Variants in HDX observed in about 807,000 individuals in gnomAD.
The protein encoded by HDX is chromosome X open reading frame 43.
HDX carries 19 observed loss-of-function variants against 45.2 expected under a neutral mutation model. The ratio of observed to expected loss-of-function variants is 0.42; its 90% CI spans 0.29 to 0.62. The LOEUF (loss-of-function observed/expected upper bound fraction) is 0.62, where lower values mean the gene tolerates loss of function less well. Among genes scored for constraint, HDX ranks in the 20% least tolerant of loss-of-function variants. The pLI is 0.20. For missense variants in HDX, 532 were observed against 493.9 expected, an observed-to-expected ratio of 1.08 and a Z score of -0.73; for synonymous variants, 188 against 172.8, an observed-to-expected ratio of 1.09 and a Z score of -0.69.
At chrX:84,377,725 A>G (rs1602344685) in intron 5 of HDX, among the ~76,000 whole-genome samples, 1 of 111,185 alleles carries the variant, frequency 9.0e-6, no homozygotes, top group East Asian at 2.8e-4. Context: ...AAAAAAAAAT[A>G]AGAAACAATG....
At chrX:84,338,632 A>G (rs2037018492) in intron 7 of HDX, among the ~76,000 whole-genome samples, 1 of 109,560 alleles carries the variant, frequency 9.1e-6, no homozygotes, top group Non-Finnish European at 1.9e-5. Context: ...GATCCTGGTA[A>G]CCTCTTTTTT....
intron 6 of HDX, among the ~76,000 whole-genome samples, chrX:84,350,574 A>G (rs1258507881): frequency 1.8e-5 from 2 of 111,867 alleles, no homozygotes; most frequent in Admixed American, 1.9e-4. Context: ...TTATTATTAT[A>G]CAGTGTCCCA....
chrX:84,476,544 C>CA (rs376973856), intron 2 of HDX, among the ~76,000 whole-genome samples: 6,605 of 37,924 alleles, frequency 0.17, 766 homozygotes, highest in African/African-American at 0.35. Flanking sequence ...AACTCTGTCT[C>CA]AAAAAAAAAA....
At chrX:84,374,905 A>C (rs1379003505) in intron 5 of HDX, among the ~76,000 whole-genome samples, 8 of 100,899 alleles carry the variant, frequency 7.9e-5, no homozygotes, top group African/African-American at 2.5e-4. Context: ...GGATCTAATT[A>C]AACTAAAGAG....
chrX:84,336,831 C>G lies in HDX; in HGVS notation c.1710G>C (p.Glu570Asp). ...VPNDARAHKE[E>D]DHHAVTTDNV... ...TATCTGTGGTTACTGCATGGTGGTC[C>G]TCTTCCTTATGAGCCCTTGCATCAT... The change falls in exon 8 of 11, where the codon GAG becomes GAC. Residue 570 changes from glutamate to aspartate, a missense_variant. Physicochemically the swap from Glu to Asp is conservative, Grantham distance 45 (BLOSUM62 2). Coordinates refer to ENST00000373177, the MANE Select transcript of HDX (RefSeq NM_001177479.2). 8.4e-7 allele frequency: 1 copy of G among 1,189,361 alleles called. No homozygotes were observed. Among genetic ancestry groups the G allele is most frequent in the Non-Finnish European group, 1.1e-6 (1 of 878,325 alleles).
At chrX:84,459,085 G>C (rs766075269) in intron 4 of HDX, among the ~76,000 whole-genome samples, 1 of 111,783 alleles carries the variant, frequency 8.9e-6, no homozygotes, top group Non-Finnish European at 1.9e-5. Context: ...GAGCAAGTCT[G>C]GAAACTATAC....
chrX:84,374,279 A>G (rs2037981565), intron 5 of HDX, among the ~76,000 whole-genome samples: 2 of 110,282 alleles, frequency 1.8e-5, no homozygotes, highest in Non-Finnish European at 3.8e-5. Context: ...CAAATGGAAG[A>G]ACATTCCATG....
chrX:84,454,335 G>A (rs1360436297), intron 4 of HDX, among the ~76,000 whole-genome samples: 2 of 111,387 alleles, frequency 1.8e-5, no homozygotes, highest in Non-Finnish European at 3.8e-5. Flanking sequence ...TGTGCCAGAG[G>A]GGATCCCATT....
chrX:84,420,559 G>A (rs952417813), intron 5 of HDX, among the ~76,000 whole-genome samples: 2 of 112,005 alleles, frequency 1.8e-5, no homozygotes, highest in Non-Finnish European at 3.8e-5. Flanking sequence ...GAAAGAGATA[G>A]GAGTGCAAAT....
chrX:84,377,409 A>T (rs1268081597), intron 5 of HDX, among the ~76,000 whole-genome samples: 1 of 111,817 alleles, frequency 8.9e-6, no homozygotes, highest in Non-Finnish European at 1.9e-5. Flanking sequence ...AAAATAAGAC[A>T]CAAGGGACTA....
At chrX:84,420,631 T>A (rs2039232418) in intron 5 of HDX, among the ~76,000 whole-genome samples, 1 of 111,169 alleles carries the variant, frequency 9.0e-6, no homozygotes, top group Non-Finnish European at 1.9e-5. Flanking sequence ...AATATCCAAG[T>A]GCAAAAAGAT....
chrX:84,461,574 T>G (rs1451502035), intron 4 of HDX, among the ~76,000 whole-genome samples: 1 of 110,423 alleles, frequency 9.1e-6, no homozygotes, highest in Non-Finnish European at 1.9e-5. Flanking sequence ...AGAAGAAAAC[T>G]TCGGCAAAAA....
chrX:84,418,128 T>C (rs1360029709), intron 5 of HDX, among the ~76,000 whole-genome samples: 3 of 111,655 alleles, frequency 2.7e-5, no homozygotes, highest in African/African-American at 9.8e-5. Context: ...AGTCAGTCCA[T>C]AGGGGAAAAT....
chrX:84,341,988 T>G (rs1427377057), intron 7 of HDX, among the ~76,000 whole-genome samples: 1 of 111,752 alleles, frequency 8.9e-6, no homozygotes, highest in Non-Finnish European at 1.9e-5. Flanking sequence ...TGCCCAAATC[T>G]GGATATTTAT....
chrX:84,421,073 C>T (rs2039242436), intron 5 of HDX, among the ~76,000 whole-genome samples: 2 of 111,598 alleles, frequency 1.8e-5, no homozygotes, highest in African/African-American at 6.5e-5. Flanking sequence ...AGATAGTAAT[C>T]ATCTGAAGGT....
intron 6 of HDX, among the ~76,000 whole-genome samples, chrX:84,347,965 G>A (rs1237132257): frequency 9.0e-6 from 1 of 110,988 alleles, no homozygotes; most frequent in Non-Finnish European, 1.9e-5. Context: ...CCTGCTTGGT[G>A]TACGCCAAGC....
At chrX:84,357,981 T>G (rs2037527675) in intron 6 of HDX, among the ~76,000 whole-genome samples, 1 of 111,666 alleles carries the variant, frequency 9.0e-6, no homozygotes, top group Admixed American at 9.5e-5. Flanking sequence ...ATTTTGGGCC[T>G]TGATAAAAAG....
chrX:84,354,972 TAC>T (rs1555985967), intron 6 of HDX, among the ~76,000 whole-genome samples: 7 of 70,886 alleles, frequency 9.9e-5, no homozygotes, highest in African/African-American at 3.6e-4. Context: ...TATATATATA[TAC>T]ACATACATAC....
chrX:84,445,586 A>G (rs1489922053), intron 4 of HDX, among the ~76,000 whole-genome samples: 1 of 111,054 alleles, frequency 9.0e-6, no homozygotes, highest in Admixed American at 9.7e-5. Context: ...GACAATATAT[A>G]TGAGACTAAT....
Sources: allele counts gnomAD v4.1 joint callset (sites outside exome capture counted in the v4.1 genomes callset), GRCh38; gene constraint gnomAD v4.1.1; transcripts MANE v1.5; gene names NCBI Gene and HGNC (gene_info 2026-07-23, HGNC 2026-07-21).